Variants in SERINC1 observed in about 807,000 individuals in gnomAD.
The protein encoded by SERINC1 is tumor differentially expressed protein 2.
SERINC1 carries 38 observed loss-of-function variants against 52.9 expected under a neutral mutation model. The ratio of observed to expected loss-of-function variants is 0.72; its 90% CI spans 0.55 to 0.94. The LOEUF (loss-of-function observed/expected upper bound fraction) is 0.94. Among genes scored for constraint, SERINC1 ranks in the 40% least tolerant of loss-of-function variants. The pLI, the probability that SERINC1 is intolerant of heterozygous loss-of-function variation, is 0.00. For synonymous variants in SERINC1, 198 were observed against 183.1 expected, an observed-to-expected ratio of 1.08 and a Z score of -0.66; for missense variants, 471 against 533.9, an observed-to-expected ratio of 0.88 and a Z score of 1.16.
chr6:122,455,598 C>T (rs1226505928), intron 3 of SERINC1, among the ~76,000 whole-genome samples: 1 of 152,016 alleles, frequency 6.6e-6, no homozygotes, highest in Non-Finnish European at 1.5e-5. Flanking sequence ...AATAAACTCC[C>T]CTTTATATAT....
chr6:122,471,277 T>A (rs1258585351), intron 1 of SERINC1, among the ~76,000 whole-genome samples: 1 of 151,950 alleles, frequency 6.6e-6, no homozygotes, highest in Non-Finnish European at 1.5e-5. Flanking sequence ...TGCGGCAGTC[T>A]GAGGTCGCCA....
At chr6:122,459,370 TGAG>T (rs1698064087) in intron 1 of SERINC1, among the ~76,000 whole-genome samples, 1 of 152,130 alleles carries the variant, frequency 6.6e-6, no homozygotes, top group Non-Finnish European at 1.5e-5. Context: ...TAACCTGGGC[TGAG>T]ATGTCAGACT....
chr6:122,449,371 G>A (rs937167525), intron 7 of SERINC1, among the ~76,000 whole-genome samples: 11 of 152,208 alleles, frequency 7.2e-5, no homozygotes, highest in African/African-American at 2.4e-4. Flanking sequence ...GATATTAAAA[G>A]TGCCACTCCA....
In SERINC1 at chr6:122,445,153, CT is replaced by C; in HGVS notation, c.1252del (p.Ser418ValfsTer8). ...TTTCACCCAGACAGCTGTCCACTGA[CT>C]TTTCATCTCACGAGAGGGTTCATAC... Reference protein sequence around the residue: ...YRYEPSREMKSQWTAVWVKIS... With the variant: ...YRYEPSREMKXQWTAVWVKIS... On this transcript the variant is annotated frameshift_variant, in exon 10 of 10. Coordinates refer to ENST00000339697, the MANE Select transcript of SERINC1 (RefSeq NM_020755.4). LOFTEE classifies it high-confidence loss of function. 1 of 1,614,072 alleles carries C rather than the reference CT, an allele frequency of 6.2e-7. No homozygotes were observed. The highest frequency in any genetic ancestry group is 8.5e-7 in the Non-Finnish European group (1 of 1,179,980).
rs1466900299 is a variant in SERINC1, at chr6:122,445,046, A to G, written c.1360T>C (p.Ter454ArgextTer6). 6.2e-7 allele frequency: 1 copy of G among 1,612,258 alleles called. No individual in the cohort carries two copies. Among genetic ancestry groups the G allele is most frequent in the Non-Finnish European group, 8.5e-7 (1 of 1,179,392 alleles). Residue 454 changes from the stop codon to arginine, a stop_lost, in exon 10 of 10, where the codon TGA becomes CGA. Coordinates refer to ENST00000339697, the MANE Select transcript of SERINC1 (RefSeq NM_020755.4). ...GACTTTCATGCTAGAAGTCTCACTC[A>G]GTCAAAATCACGATTTGTAAGAACA... ...PLVLTNRDFD[*>R]
intron 7 of SERINC1, 61 bp from the exon 8 acceptor site, chr6:122,447,326 AC>A: frequency 7.2e-7 from 1 of 1,381,888 alleles, no homozygotes; most frequent in Non-Finnish European, 1.0e-6. Flanking sequence ...TTCAGAGCAA[AC>A]AAAAGTTATT....
chr6:122,450,136 A>C (rs893242988), intron 7 of SERINC1, among the ~76,000 whole-genome samples: 12 of 152,272 alleles, frequency 7.9e-5, no homozygotes, highest in Non-Finnish European at 1.6e-4. Context: ...TAGAGAAGTC[A>C]GTCAATGCCT....
Position 122,443,810 on chromosome 6 carries a change from T to C in SERINC1, c.*1234A>G, listed in dbSNP as rs1262470620. The C allele has an allele frequency of 6.6e-6, 1 of 152,204 alleles. No homozygotes were observed. The highest frequency in any genetic ancestry group is 1.5e-5 in the Non-Finnish European group (1 of 68,028). 9.4% of individuals were successfully genotyped at this position (152,204 alleles called of 1,614,324 possible). On this transcript the variant is annotated 3_prime_UTR_variant, in exon 10 of 10. Coordinates refer to ENST00000339697, the MANE Select transcript of SERINC1 (RefSeq NM_020755.4). Reference sequence around the variant, plus strand: ...ATTTTGAATAGAAATTATTTTTAAATGTCAGAGAGAATGCTATTATTGGCC... The same window carrying C: ...ATTTTGAATAGAAATTATTTTTAAACGTCAGAGAGAATGCTATTATTGGCC...
chr6:122,449,336 CAAAGA>C (rs1295812395), intron 7 of SERINC1, among the ~76,000 whole-genome samples: 4 of 152,222 alleles, frequency 2.6e-5, no homozygotes, highest in African/African-American at 9.6e-5. Context: ...GTTGCGAATG[CAAAGA>C]AAAGAAAAAG....
In SERINC1 at chr6:122,445,060, T is replaced by C. The variant is rs1774764063; in HGVS notation, c.1346A>G (p.Asn449Ser). ...WTLVAPLVLT[N>S]RDFD ...AAGTCTCACTCAGTCAAAATCACGATTTGTAAGAACAAGTGGTGCCACGAG... is the reference window on the plus strand; with the variant it reads ...AAGTCTCACTCAGTCAAAATCACGACTTGTAAGAACAAGTGGTGCCACGAG... Residue 449 changes from asparagine (N) to serine (S), a missense_variant, in exon 10 of 10, where the codon AAT becomes AGT. Asn to Ser is a conservative substitution (Grantham distance 46). Transcript: ENST00000339697. 1 of 1,613,186 alleles carries C rather than the reference T, an allele frequency of 6.2e-7. No individual in the cohort carries two copies. Among genetic ancestry groups the C allele is most frequent in the Non-Finnish European group, 8.5e-7 (1 of 1,179,734 alleles).
At position 122,444,743 on chromosome 6, in the gene SERINC1, TCAAA is replaced by T. The variant is rs1453769561; in HGVS notation, c.*297_*300del. The T allele has an allele frequency of 2.8e-4, 71 of 249,690 alleles. No individual in the cohort carries two copies. Among genetic ancestry groups the T allele is most frequent in the East Asian group, 4.2e-4 (5 of 11,828 alleles). 15.5% of individuals were successfully genotyped at this position (249,690 alleles called of 1,614,324 possible). On this transcript the variant is annotated 3_prime_UTR_variant, in exon 10 of 10. Transcript: ENST00000339697. The stretch of plus-strand genomic sequence containing the variant: ...AAGGTCTAATATAATTTTAAAATAG[TCAAA>T]CAAATTTGTTTTTACTCTTCATTTC...
chr6:122,470,311 T>C (rs1245880665), intron 1 of SERINC1, among the ~76,000 whole-genome samples: 3 of 152,206 alleles, frequency 2.0e-5, no homozygotes, highest in Admixed American at 2.0e-4. Flanking sequence ...TTCTAATCAA[T>C]AAAGGTGGCG....
In SERINC1 at chr6:122,469,352, C is replaced by CT. The variant is rs536768037; in HGVS notation, c.39+2346dup. Among the ~76,000 whole-genome samples the CT allele has an allele frequency of 7.4e-4, 111 of 148,998 alleles. 2 individuals are homozygous for CT. In the South Asian group the frequency reaches 0.015, roughly 21 times the overall value. ...ATCTAATTTAATGATTTGAATGTTA[C>CT]TTTTTTTTTGTTCTGTTTTTTGTTT... On this transcript the variant is annotated intron_variant, in intron 1 of 9. Coordinates refer to ENST00000339697, the MANE Select transcript of SERINC1 (RefSeq NM_020755.4).
chr6:122,451,369 A>G (rs182807309), intron 7 of SERINC1, among the ~76,000 whole-genome samples: 2 of 152,284 alleles, frequency 1.3e-5, no homozygotes, highest in African/African-American at 4.8e-5. Context: ...TAAGATAAAC[A>G]AAAGTTTTAT....
chr6:122,450,345 A>G (rs186212833), intron 7 of SERINC1, among the ~76,000 whole-genome samples: 1 of 152,334 alleles, frequency 6.6e-6, no homozygotes, highest in Non-Finnish European at 1.5e-5. Flanking sequence ...GTTACGGAAT[A>G]TTTTAAGCCC....
chr6:122,454,506 C>CA (rs1774963824), intron 3 of SERINC1: 70 of 295,008 alleles, frequency 2.4e-4, no homozygotes, highest in South Asian at 5.7e-4. Flanking sequence ...AAAAACAAAG[C>CA]AAAAAAAATC....
intron 1 of SERINC1, among the ~76,000 whole-genome samples, chr6:122,463,454 C>A (rs1775139431): frequency 1.3e-5 from 2 of 152,036 alleles, no homozygotes; most frequent in Admixed American, 1.3e-4. Context: ...AAGTGAGGTA[C>A]ATGATAAATC....
chr6:122,470,957 C>A (rs960185376), intron 1 of SERINC1, among the ~76,000 whole-genome samples: 1 of 151,698 alleles, frequency 6.6e-6, no homozygotes, highest in Non-Finnish European at 1.5e-5. Flanking sequence ...TTTACTCTAA[C>A]AACTCTTTAA....
intron 9 of SERINC1, among the ~76,000 whole-genome samples, chr6:122,445,794 G>A (rs571721418): frequency 9.3e-6 from 1 of 107,008 alleles, no homozygotes; most frequent in African/African-American, 3.3e-5. Context: ...GCTGAGGCAG[G>A]AGAATGGCGT....
Sources: gnomAD v4.1 joint callset for allele counts (sites outside exome capture counted in the v4.1 genomes callset) on GRCh38, gnomAD v4.1.1 for gene constraint, MANE v1.5 for transcripts, NCBI Gene and HGNC (gene_info 2026-07-23, HGNC 2026-07-21) for gene names.